Variants in CRACR2A observed in about 807,000 individuals in gnomAD.
CRACR2A encodes the protein EF-hand calcium-binding domain-containing protein 4B.
CRACR2A carries 79 observed loss-of-function variants against 90.5 expected under a neutral mutation model. That is an observed-to-expected ratio of 0.87 (90% CI 0.73 to 1.05). The LOEUF is 1.05. Among genes scored for constraint, CRACR2A ranks in the 50% least tolerant of loss-of-function variants. CRACR2A has a pLI of 0.00. For synonymous variants in CRACR2A, 338 were observed against 356.7 expected (o/e 0.95, Z 0.59); for missense variants, 823 against 897.2 (o/e 0.92, Z 1.06).
chr12:3,682,466 C>T (rs865876759), intron 4 of CRACR2A, among the ~76,000 whole-genome samples: 2 of 152,202 alleles, frequency 1.3e-5, no homozygotes, highest in Admixed American at 6.5e-5. Context: ...TTGTCTACAT[C>T]TCAAGTCAGT....
intron 4 of CRACR2A, among the ~76,000 whole-genome samples, chr12:3,685,388 C>T (rs1431187235): frequency 1.3e-5 from 2 of 152,318 alleles, no homozygotes; most frequent in South Asian, 4.1e-4. Context: ...TCTGGGTATA[C>T]ACACCAAAGA....
At chr12:3,719,093 G>A (rs1565500509) in intron 2 of CRACR2A, among the ~76,000 whole-genome samples, 1 of 152,154 alleles carries the variant, frequency 6.6e-6, no homozygotes, top group Non-Finnish European at 1.5e-5. Flanking sequence ...ATGTTTTGGG[G>A]GAGTTAACAC....
intron 17 of CRACR2A, among the ~76,000 whole-genome samples, chr12:3,624,599 G>A (rs761032264): frequency 2.5e-4 from 38 of 152,194 alleles, no homozygotes; most frequent in Non-Finnish European, 4.0e-4. Context: ...TGAACTGAAC[G>A]CATTGCCTGG....
chr12:3,724,220 T>C (rs1349378830), intron 2 of CRACR2A, among the ~76,000 whole-genome samples: 1 of 152,174 alleles, frequency 6.6e-6, no homozygotes, highest in Non-Finnish European at 1.5e-5. Context: ...GTATTGGCCC[T>C]TTCTGAGTTC....
At chr12:3,674,288 G>A (rs955554975) in intron 6 of CRACR2A, among the ~76,000 whole-genome samples, 5 of 152,142 alleles carry the variant, frequency 3.3e-5, no homozygotes, top group Non-Finnish European at 5.9e-5. Context: ...TGAAAGATGC[G>A]CACACACAGA....
intron 13 of CRACR2A, among the ~76,000 whole-genome samples, chr12:3,638,719 T>C (rs1455482846): frequency 6.6e-6 from 1 of 152,176 alleles, no homozygotes; most frequent in Non-Finnish European, 1.5e-5. Context: ...AAAGATGCCA[T>C]TTACAGATGG....
intron 4 of CRACR2A, among the ~76,000 whole-genome samples, chr12:3,689,230 T>C (rs1945613736): frequency 6.6e-6 from 1 of 152,204 alleles, no homozygotes; most frequent in Admixed American, 6.5e-5. Context: ...CTATAGTATG[T>C]TGAATAGGAG....
rs553152116 is a variant in CRACR2A, at chr12:3,699,766, C to T, written c.-36-2731G>A. Among the ~76,000 whole-genome samples, 8 of 152,138 alleles carry T rather than the reference C, an allele frequency of 5.3e-5. No individual in the cohort carries two copies. The East Asian group carries it at 9.6e-4, about 18-fold the overall frequency. On this transcript the variant is annotated intron_variant, in intron 3 of 19. Coordinates refer to ENST00000440314, the MANE Select transcript of CRACR2A (RefSeq NM_001144958.2). ...GGCACCATGTCTTATTCGATTTTAC[C>T]GCCAGTTTCTAGCCTAGAATATGGT...
At chr12:3,713,177 G>A in intron 3 of CRACR2A, 60 bp downstream of exon 3, 1 of 864,158 alleles carries the variant, frequency 1.2e-6, no homozygotes. Context: ...TGAAGTTGGG[G>A]TCTGGGGTGG....
At chr12:3,680,934 G>A (rs1468273116) in intron 4 of CRACR2A, among the ~76,000 whole-genome samples, 1 of 149,960 alleles carries the variant, frequency 6.7e-6, no homozygotes, top group Non-Finnish European at 1.5e-5. Context: ...TAGGGAGGCA[G>A]AGAGAGAGAG....
chr12:3,729,208 T>A (rs1946321177), intron 2 of CRACR2A: 2 of 152,166 alleles, frequency 1.3e-5, no homozygotes, highest in South Asian at 4.1e-4. Flanking sequence ...TTCCACTCTA[T>A]GAAATGGGAA....
In CRACR2A at chr12:3,633,704, G is replaced by A; in HGVS notation, c.1635C>T (p.Leu545=). Residue 545 remains leucine (L), a synonymous_variant, in exon 15 of 20, where the codon CTC becomes CTT. Transcript: ENST00000440314. The surrounding 1 kb of genome is among the most constrained non-coding windows in gnomAD (Gnocchi z 4.5). ...AATTGCCCACGAACACAATCTTGAA[G>A]AGCCGGTCAGGGGCAGAGGGAGAGC... The part of the protein sequence containing the change: ...EESSPSAPDR[L]FKIVFVGNSA... The A allele has an allele frequency of 6.4e-7, 1 of 1,551,766 alleles. No homozygotes were observed. The highest frequency in any genetic ancestry group is 2.0e-5 in the Admixed American group (1 of 51,014).
intron 15 of CRACR2A, among the ~76,000 whole-genome samples, chr12:3,628,910 G>A (rs1401587641): frequency 6.6e-6 from 1 of 152,210 alleles, no homozygotes; most frequent in African/African-American, 2.4e-5. Context: ...AGACCCACGA[G>A]TGAGGAGACG....
intron 3 of CRACR2A, among the ~76,000 whole-genome samples, chr12:3,706,993 AC>A (rs1191316364): frequency 6.6e-6 from 1 of 152,168 alleles, no homozygotes; most frequent in African/African-American, 2.4e-5. Flanking sequence ...AGAACGAAAA[AC>A]AAAACAAAAC....
chr12:3,647,477 C>A (rs931279337), intron 11 of CRACR2A, among the ~76,000 whole-genome samples: 6 of 152,002 alleles, frequency 3.9e-5, no homozygotes, highest in East Asian at 1.9e-4. Context: ...TTTCTAAATG[C>A]AATAGAAAAA....
intron 12 of CRACR2A, among the ~76,000 whole-genome samples, chr12:3,643,887 A>ATATATATATATTAT (rs5796068): frequency 1.0e-5 from 1 of 100,286 alleles, no homozygotes; most frequent in Admixed American, 1.6e-4. Flanking sequence ...TATTTATATT[A>ATATATATATATTAT]ATATATAATA....
rs1867694640 is a variant in CRACR2A, at chr12:3,616,887, G to GT, written c.2111+66dup. ...TGTGGCCTGGGTGGAGGGAAACACGGTGCCTCCCTGAAGGCAGACACAGCT... is the reference window on the plus strand; with the variant it reads ...TGTGGCCTGGGTGGAGGGAAACACGGTTGCCTCCCTGAAGGCAGACACAGCT... On this transcript the variant is annotated intron_variant, in intron 19 of 19. Transcript: ENST00000440314. The GT allele has an allele frequency of 3.9e-6, 5 of 1,278,944 alleles. No individual in the cohort carries two copies. The South Asian group carries it at 6.4e-5, about 16-fold the overall frequency. 79.2% of individuals were successfully genotyped at this position (1,278,944 alleles called of 1,614,324 possible). A position where few individuals can be genotyped will look rare whatever the true frequency, so the allele number is the denominator to read the frequency against.
Position 3,696,934 on chromosome 12 carries a change from C to A in CRACR2A, c.66G>T (p.Gly22=). 6.2e-7 allele frequency: 1 copy of A among 1,614,202 alleles called. No homozygotes were observed. Among genetic ancestry groups the A allele is most frequent in the Admixed American group, 1.7e-5 (1 of 60,030 alleles). The change falls in exon 4 of 20, where the codon GGG becomes GGT. Residue 22 remains glycine (G), a synonymous_variant. Coordinates refer to ENST00000440314, the MANE Select transcript of CRACR2A (RefSeq NM_001144958.2). The part of the protein sequence containing the change: ...PQRLGQGSGQ[G]PKGSGACLHP... ...GCAGGCAGGCTCCACTCCCCTTTGG[C>A]CCCTGGCCAGACCCCTGACCAAGTC... is the stretch of plus-strand genomic sequence containing the variant.
intron 2 of CRACR2A, among the ~76,000 whole-genome samples, chr12:3,717,976 C>T (rs1276657099): frequency 6.6e-6 from 1 of 152,148 alleles, no homozygotes; most frequent in Non-Finnish European, 1.5e-5. Context: ...GAACACTAGG[C>T]TTTGGTTTTA....
Sources: gnomAD v4.1 joint callset for allele counts (sites outside exome capture counted in the v4.1 genomes callset) on GRCh38, gnomAD v4.1.1 for gene constraint, Gnocchi (gnomAD v3.1) non-coding constraint, MANE v1.5 for transcripts, NCBI Gene and HGNC (gene_info 2026-07-23, HGNC 2026-07-21) for gene names.